The following GATAD2B variants were observed in gnomAD, a reference collection of about 807,000 sequenced individuals.
GATAD2B encodes GATA zinc finger domain containing 2B, also known as transcriptional repressor p66-beta.
A neutral mutation model predicts 64.3 loss-of-function variants in GATAD2B; 8 were observed. The observed-to-expected ratio is 0.12, with a 90% confidence interval of 0.07 to 0.22. The LOEUF is 0.22. Ranked by LOEUF, GATAD2B falls within the 10% of genes least tolerant of loss-of-function variation. The probability of loss-of-function intolerance (pLI) is 1.00; values close to 1 mark genes in which losing one functional copy is unlikely to be tolerated. For synonymous variants in GATAD2B, 281 were observed against 271.3 expected (o/e 1.04, Z -0.35); for missense variants, 453 against 752.0 (o/e 0.60, Z 4.65).
chr1:153,893,517 G>C (rs1028775850), intron 1 of GATAD2B, among the ~76,000 whole-genome samples: 9 of 152,168 alleles, frequency 5.9e-5, no homozygotes, highest in African/African-American at 1.9e-4. Flanking sequence ...GCTGAAGTGG[G>C]AGGATTGCTT....
In GATAD2B at chr1:153,819,771, C is replaced by A. The variant is rs1263073426; in HGVS notation, c.336-36G>T. On this transcript the variant is annotated intron_variant, in intron 2 of 10. Transcript: ENST00000368655. ...AAGGGAAAAAATAAGCTATTTCCAA[C>A]AAAAGTTAAGAAAACTTCTATGCTG... The A allele has an allele frequency of 3.2e-6, 5 of 1,565,550 alleles. No homozygotes were observed. In the Admixed American group the frequency reaches 6.1e-5, roughly 19 times the overall value.
At chr1:153,891,348 A>T (rs914835479) in intron 1 of GATAD2B, among the ~76,000 whole-genome samples, 1 of 151,524 alleles carries the variant, frequency 6.6e-6, no homozygotes, top group African/African-American at 2.4e-5. Context: ...TGGGTGGGTC[A>T]CTTGAGGTCA....
chr1:153,843,267 T>C (rs1675560712), intron 1 of GATAD2B, among the ~76,000 whole-genome samples: 1 of 151,582 alleles, frequency 6.6e-6, no homozygotes, highest in African/African-American at 2.4e-5. Context: ...CCCAAGCAGC[T>C]AGGACTACAG....
At chr1:153,885,641 GTGGA>G (rs1220769121) in intron 1 of GATAD2B, among the ~76,000 whole-genome samples, 1 of 151,954 alleles carries the variant, frequency 6.6e-6, no homozygotes, top group Non-Finnish European at 1.5e-5. Context: ...GCCAAGGTGG[GTGGA>G]TCACGAGGAG....
At chr1:153,851,334 C>A (rs1464548357) in intron 1 of GATAD2B, among the ~76,000 whole-genome samples, 1 of 152,150 alleles carries the variant, frequency 6.6e-6, no homozygotes, top group Non-Finnish European at 1.5e-5. Context: ...TCTGGTAGTT[C>A]TATATTTAAT....
intron 1 of GATAD2B, among the ~76,000 whole-genome samples, chr1:153,885,996 T>G (rs1448516011): frequency 6.6e-6 from 1 of 152,172 alleles, no homozygotes; most frequent in Middle Eastern, 3.2e-3. Flanking sequence ...TATCCAGGCT[T>G]AGGCAACAGA....
rs879467150 is a variant in GATAD2B, at chr1:153,882,895, T to C, written c.-2+39838A>G. 9.9e-5 allele frequency among the ~76,000 whole-genome samples: 15 copies of C among 152,148 alleles called. No homozygotes were observed. In the East Asian group the frequency reaches 2.1e-3, roughly 22 times the overall value. On this transcript the variant is annotated intron_variant, in intron 1 of 10. Coordinates refer to ENST00000368655, the MANE Select transcript of GATAD2B (RefSeq NM_020699.4). ...AAAGTGCTGATATGGGGTCAGAAAA[T>C]AGTGGGGAAGAAATCTAAGTAAACC...
At position 153,811,719 on chromosome 1, in the gene GATAD2B, A is replaced by C; in HGVS notation, c.1648+12T>G. ...GACCCATGAGAAACATTTTCAGATT[A>C]ATCCTTCTTACCTGGCATACCAAGG... On this transcript the variant is annotated intron_variant, in intron 10 of 10. Transcript: ENST00000368655. The C allele has an allele frequency of 6.6e-7, 1 of 1,504,314 alleles. No homozygotes were observed. The highest frequency in any genetic ancestry group is 9.3e-7 in the Non-Finnish European group (1 of 1,080,146). The allele number at this position is 1,504,314 out of a possible 1,614,324, so 93.2% of individuals were successfully genotyped here. A position where few individuals can be genotyped will look rare whatever the true frequency, so the allele number is the denominator to read the frequency against.
chr1:153,907,828 G>A (rs1677994541), intron 1 of GATAD2B, among the ~76,000 whole-genome samples: 1 of 151,668 alleles, frequency 6.6e-6, no homozygotes, highest in African/African-American at 2.4e-5. Context: ...TGTTTGAGAT[G>A]GAGTTTTGCT....
rs1553194157 is a variant in GATAD2B, at chr1:153,861,795, A to AATAT, written c.-1-33451_-1-33448dup. On this transcript the variant is annotated intron_variant, in intron 1 of 10. Transcript: ENST00000368655. ...AGACTCCATTTCAAAAAAAAAAAAAAATATATATATATATACACATATGTA... is the reference window on the plus strand; with the variant it reads ...AGACTCCATTTCAAAAAAAAAAAAAAATATATATATATATATATACACATATGTA... Among the ~76,000 whole-genome samples, 97 of 98,520 alleles carry AATAT rather than the reference A, an allele frequency of 9.8e-4. 1 individual carries two copies. Among genetic ancestry groups the AATAT allele is most frequent in the South Asian group, 3.2e-3 (9 of 2,842 alleles). 64.6% of individuals were successfully genotyped at this position (98,520 alleles called of 152,430 possible).
At chr1:153,906,100 C>A (rs1677920735) in intron 1 of GATAD2B, among the ~76,000 whole-genome samples, 3 of 150,226 alleles carry the variant, frequency 2.0e-5, no homozygotes, top group Non-Finnish European at 4.4e-5. Context: ...CCCCCGCACC[C>A]CACACACACA....
intron 1 of GATAD2B, among the ~76,000 whole-genome samples, chr1:153,828,861 C>A (rs1674979950): frequency 6.6e-6 from 1 of 152,082 alleles, no homozygotes; most frequent in South Asian, 2.1e-4. Flanking sequence ...TAACGACAAG[C>A]TAATTAATCA....
intron 1 of GATAD2B, among the ~76,000 whole-genome samples, chr1:153,843,860 T>C (rs1570951257): frequency 6.9e-6 from 1 of 144,906 alleles, no homozygotes; most frequent in African/African-American, 2.5e-5. Flanking sequence ...AAAACAAGGG[T>C]TTTGAAAACA....
chr1:153,864,310 G>A (rs1257735902), intron 1 of GATAD2B, among the ~76,000 whole-genome samples: 3 of 152,194 alleles, frequency 2.0e-5, no homozygotes, highest in East Asian at 1.9e-4. Flanking sequence ...GCTGATTATC[G>A]GAATGGTGAG....
At chr1:153,847,402 T>C (rs1420608219) in intron 1 of GATAD2B, among the ~76,000 whole-genome samples, 2 of 152,182 alleles carry the variant, frequency 1.3e-5, no homozygotes, top group Admixed American at 6.5e-5. Context: ...CACATCTTTT[T>C]GAGATGGAGT....
At chr1:153,885,841 C>T (rs373918820) in intron 1 of GATAD2B, among the ~76,000 whole-genome samples, 4 of 136,416 alleles carry the variant, frequency 2.9e-5, no homozygotes, top group African/African-American at 1.1e-4. Flanking sequence ...CCAGCCTGGG[C>T]GACAGAGCAA....
intron 1 of GATAD2B, among the ~76,000 whole-genome samples, chr1:153,916,826 TGAGA>T (rs1350784168): frequency 6.6e-6 from 1 of 152,160 alleles, no homozygotes; most frequent in South Asian, 2.1e-4. Context: ...TATTTATTTT[TGAGA>T]GAGAGTCTCA....
chr1:153,886,493 A>G (rs1336963687), intron 1 of GATAD2B: 1 of 151,534 alleles, frequency 6.6e-6, no homozygotes, highest in Admixed American at 6.6e-5. Context: ...CAGTATTAGA[A>G]CCATTACAAA....
chr1:153,910,578 A>T (rs1380557871), intron 1 of GATAD2B, among the ~76,000 whole-genome samples: 1 of 152,078 alleles, frequency 6.6e-6, no homozygotes, highest in Non-Finnish European at 1.5e-5. Flanking sequence ...CATTTCTACT[A>T]AAAATACAAA....
Sources: gnomAD v4.1 joint callset for allele counts (sites outside exome capture counted in the v4.1 genomes callset) on GRCh38, gnomAD v4.1.1 for gene constraint, MANE v1.5 for transcripts, NCBI Gene and HGNC (gene_info 2026-07-23, HGNC 2026-07-21) for gene names.